LDAH: variants seen among roughly 807,000 people sequenced by gnomAD.
LDAH encodes lipid droplet-associated hydrolase.
LDAH carries 26 observed loss-of-function variants against 29.6 expected under a neutral mutation model. The ratio of observed to expected loss-of-function variants is 0.88; its 90% CI spans 0.64 to 1.22. LDAH has a LOEUF of 1.22. Ranked by LOEUF, LDAH falls within the 50% of genes most tolerant of loss-of-function variation. The probability of loss-of-function intolerance (pLI) is 0.00; values close to 1 mark genes in which losing one functional copy is unlikely to be tolerated. For missense variants in LDAH, 344 were observed against 387.3 expected (o/e 0.89, Z 0.94); for synonymous variants, 117 against 133.0 (o/e 0.88, Z 0.83).
At chr2:20,753,135 A>G (rs1668082639) in intron 4 of LDAH, among the ~76,000 whole-genome samples, 1 of 152,224 alleles carries the variant, frequency 6.6e-6, no homozygotes, top group African/African-American at 2.4e-5. Context: ...ATAATGTGAG[A>G]AGCTAATAAG....
chr2:20,816,896 A>G (rs1466601773), intron 1 of LDAH, among the ~76,000 whole-genome samples: 3 of 152,100 alleles, frequency 2.0e-5, no homozygotes, highest in Non-Finnish European at 2.9e-5. Flanking sequence ...AAAACTAGAA[A>G]TCAACAACAG....
intron 4 of LDAH, among the ~76,000 whole-genome samples, chr2:20,760,631 G>A (rs779435862): frequency 3.9e-5 from 6 of 152,154 alleles, no homozygotes; most frequent in South Asian, 2.1e-4. Flanking sequence ...GGATGTTGAC[G>A]GAAGGCAGCT....
chr2:20,812,641 G>A (rs2125147177), intron 1 of LDAH, among the ~76,000 whole-genome samples: 1 of 152,022 alleles, frequency 6.6e-6, no homozygotes, highest in Admixed American at 6.6e-5. Context: ...AATATCCATA[G>A]GTAAGGAAAA....
chr2:20,724,688 T>G (rs1665892809), intron 5 of LDAH, among the ~76,000 whole-genome samples: 1 of 152,140 alleles, frequency 6.6e-6, no homozygotes, highest in Non-Finnish European at 1.5e-5. Context: ...AGTCAGAAAC[T>G]AGGCCACATA....
intron 3 of LDAH, among the ~76,000 whole-genome samples, chr2:20,777,620 G>A (rs1669911995): frequency 1.3e-5 from 2 of 151,794 alleles, no homozygotes; most frequent in Non-Finnish European, 2.9e-5. Flanking sequence ...ATGTTGGCCA[G>A]GCTGGTCTCA....
At chr2:20,747,536 G>A (rs1572536512) in intron 4 of LDAH, among the ~76,000 whole-genome samples, 1 of 152,098 alleles carries the variant, frequency 6.6e-6, no homozygotes, top group East Asian at 1.9e-4. Flanking sequence ...AGTAATCCTA[G>A]TTTAGTTTAT....
In LDAH at chr2:20,686,760, G is replaced by A. The variant is rs191341965; in HGVS notation, c.*143C>T. 2 of 688,900 alleles carry A rather than the reference G, an allele frequency of 2.9e-6. No homozygotes were observed. Among genetic ancestry groups the A allele is most frequent in the Admixed American group, 6.0e-5 (2 of 33,304 alleles). The allele number at this position is 688,900 out of a possible 1,614,324, so 42.7% of individuals were successfully genotyped here. On this transcript the variant is annotated 3_prime_UTR_variant, in exon 7 of 7. Transcript: ENST00000237822. The stretch of plus-strand genomic sequence containing the variant: ...TGTTTACTTCAGCCTATAACATGGC[G>A]AGCGGAGAGTTGGTTTGTAAGACAA...
At chr2:20,720,183 A>C (rs1423801300) in intron 5 of LDAH, among the ~76,000 whole-genome samples, 1 of 152,168 alleles carries the variant, frequency 6.6e-6, no homozygotes, top group Non-Finnish European at 1.5e-5. Flanking sequence ...CCTTGTTTGC[A>C]GATGACATGA....
chr2:20,778,683 T>A (rs908000481), intron 3 of LDAH, among the ~76,000 whole-genome samples: 1 of 152,178 alleles, frequency 6.6e-6, no homozygotes, highest in African/African-American at 2.4e-5. Context: ...AATCATTAAA[T>A]GCCAAAGTTA....
chr2:20,714,953 A>G (rs891086783), intron 5 of LDAH, among the ~76,000 whole-genome samples: 1 of 152,258 alleles, frequency 6.6e-6, no homozygotes, highest in Non-Finnish European at 1.5e-5. Context: ...TACCAGAGGT[A>G]CAAAGAGGAG....
rs746358661 is a variant in LDAH, at chr2:20,801,362, G to A, written c.102C>T (p.Leu34=). 2.1e-5 allele frequency: 34 copies of A among 1,613,994 alleles called. No individual in the cohort carries two copies. The East Asian group carries it at 2.9e-4, about 14-fold the overall frequency. The change falls in exon 2 of 7, where the codon CTC becomes CTT. Residue 34 remains leucine, a synonymous_variant. Coordinates refer to ENST00000237822, the MANE Select transcript of LDAH (RefSeq NM_021925.4). ...QVLKCGPWTD[L]FHDQSVKRPK... Reference sequence around the variant, plus strand: ...GCCTTTTGACACTTTGATCATGAAAGAGGTCTGTCCAGGGCCCACATTTTA... The same window carrying A: ...GCCTTTTGACACTTTGATCATGAAAAAGGTCTGTCCAGGGCCCACATTTTA...
chr2:20,683,437 A>G (rs748399670), downstream of LDAH, among the ~76,000 whole-genome samples: 38 of 152,226 alleles, frequency 2.5e-4, no homozygotes, highest in Admixed American at 4.6e-4. Flanking sequence ...TAAGGGAAGG[A>G]GCAGCCCAAA....
chr2:20,692,995 GTGTTAAGACTGTACAGGTCCC>G (rs1458518701), intron 6 of LDAH, among the ~76,000 whole-genome samples: 2 of 152,130 alleles, frequency 1.3e-5, no homozygotes, highest in African/African-American at 2.4e-5. Flanking sequence ...AGTGAGTACA[GTGTTAAGACTGTACAGGTCCC>G]TGAGCCATAT....
At chr2:20,682,720 G>C (rs931193571), downstream of LDAH, among the ~76,000 whole-genome samples, 3 of 152,198 alleles carry the variant, frequency 2.0e-5, no homozygotes, top group African/African-American at 4.8e-5. Flanking sequence ...GACACTTCCT[G>C]TTAGGACCCA....
intron 5 of LDAH, among the ~76,000 whole-genome samples, chr2:20,707,960 G>A (rs1289702978): frequency 1.3e-5 from 2 of 152,110 alleles, no homozygotes; most frequent in African/African-American, 4.8e-5. Context: ...AGCATGCAAG[G>A]GATCTAGGTT....
At chr2:20,710,896 T>C (rs557244166) in intron 5 of LDAH, among the ~76,000 whole-genome samples, 156 of 152,000 alleles carry the variant, frequency 1.0e-3, no homozygotes, top group South Asian at 2.3e-3. Context: ...ACTCCTATGA[T>C]AGGTCATGTT....
At chr2:20,713,665 G>A (rs1436905728) in intron 5 of LDAH, among the ~76,000 whole-genome samples, 1 of 152,108 alleles carries the variant, frequency 6.6e-6, no homozygotes, top group Non-Finnish European at 1.5e-5. Flanking sequence ...ACACACATAG[G>A]CTCAAAATAA....
intron 2 of LDAH, 113 bp from the exon 3 acceptor site, chr2:20,790,511 CA>C: frequency 3.6e-6 from 3 of 840,358 alleles, no homozygotes; most frequent in Non-Finnish European, 5.6e-6. Flanking sequence ...CTGAATTCTT[CA>C]GAGTACCCAA....
intron 3 of LDAH, among the ~76,000 whole-genome samples, chr2:20,778,357 G>A (rs1669957054): frequency 6.6e-6 from 1 of 152,152 alleles, no homozygotes; most frequent in African/African-American, 2.4e-5. Context: ...ATAGTTAGTA[G>A]AGAAATTAAA....
Sources: gnomAD v4.1 joint callset for allele counts (sites outside exome capture counted in the v4.1 genomes callset) on GRCh38, gnomAD v4.1.1 for gene constraint, MANE v1.5 for transcripts, NCBI Gene and HGNC (gene_info 2026-07-23, HGNC 2026-07-21) for gene names.